PCSK5: variants seen among roughly 807,000 people sequenced by gnomAD.
PCSK5 encodes the protein proprotein convertase subtilisin/kexin type 5.
A neutral mutation model predicts 233.2 loss-of-function variants in PCSK5; 129 were observed. That is an observed-to-expected ratio of 0.55 (90% CI 0.48 to 0.64). PCSK5 has a LOEUF of 0.64. Among genes scored for constraint, PCSK5 ranks in the 30% least tolerant of loss-of-function variants. The pLI, the probability that PCSK5 is intolerant of heterozygous loss-of-function variation, is 0.00. For missense variants in PCSK5, 2,076 were observed against 2,430.1 expected (o/e 0.85, Z 3.06); for synonymous variants, 825 against 879.2 (o/e 0.94, Z 1.09).
At chr9:76,248,031 G>C (rs1027800203) in intron 24 of PCSK5, among the ~76,000 whole-genome samples, 1 of 152,126 alleles carries the variant, frequency 6.6e-6, no homozygotes, top group African/African-American at 2.4e-5. Context: ...TGGTCCGCCA[G>C]CCTCAGCCTC....
At chr9:76,301,349 C>T (rs1026923962) in intron 27 of PCSK5, among the ~76,000 whole-genome samples, 26 of 151,718 alleles carry the variant, frequency 1.7e-4, no homozygotes, top group African/African-American at 6.3e-4. Flanking sequence ...GGAAATGGCC[C>T]TGGAAAAAAA....
intron 13 of PCSK5, among the ~76,000 whole-genome samples, chr9:76,174,049 C>T (rs1823463511): frequency 6.6e-6 from 1 of 152,094 alleles, no homozygotes; most frequent in African/African-American, 2.4e-5. Flanking sequence ...AGTAGGATGG[C>T]CACTAGCCAC....
At chr9:76,096,601 C>CTT (rs756676487) in intron 8 of PCSK5, among the ~76,000 whole-genome samples, 1 of 141,046 alleles carries the variant, frequency 7.1e-6, no homozygotes, top group Non-Finnish European at 1.6e-5. Flanking sequence ...AGGTGCGTTT[C>CTT]TTTTTTTTTT....
At chr9:75,926,264 C>T (rs1263622392) in intron 1 of PCSK5, among the ~76,000 whole-genome samples, 1 of 152,006 alleles carries the variant, frequency 6.6e-6, no homozygotes, top group Middle Eastern at 3.2e-3. Flanking sequence ...TTTACATATC[C>T]CAAATGCAGC....
chr9:76,061,606 AAATT>A (rs1830030894), intron 5 of PCSK5, among the ~76,000 whole-genome samples: 1 of 152,202 alleles, frequency 6.6e-6, no homozygotes, highest in South Asian at 2.1e-4. Flanking sequence ...ATTTGGGGGA[AAATT>A]AATAGTTGAG....
Position 76,002,061 on chromosome 9 carries a change from A to C in PCSK5, c.411+15816A>C, listed in dbSNP as rs114534558. ...AGACATGTAATTCCCATAGAAGAAA[A>C]GTAAATTGGTAATGATTTTATTCAT... On this transcript the variant is annotated intron_variant, in intron 3 of 37. Transcript: ENST00000674117. Among the ~76,000 whole-genome samples the C allele has an allele frequency of 8.3e-3, 1,270 of 152,346 alleles. 18 individuals carry two copies. Among genetic ancestry groups the C allele is most frequent in the African/African-American group, 0.028 (1,171 of 41,582 alleles).
At chr9:76,056,056 A>C (rs2131567953) in intron 5 of PCSK5, among the ~76,000 whole-genome samples, 1 of 152,316 alleles carries the variant, frequency 6.6e-6, no homozygotes, top group South Asian at 2.1e-4. Context: ...CAAAATTTAA[A>C]ACCTGCAAGA....
At chr9:76,156,395 G>T (rs1822586673) in intron 10 of PCSK5, among the ~76,000 whole-genome samples, 1 of 152,072 alleles carries the variant, frequency 6.6e-6, no homozygotes, top group African/African-American at 2.4e-5. Flanking sequence ...AATATTTCCT[G>T]GATAAAGTTT....
chr9:76,223,463 T>C (rs536976601), intron 20 of PCSK5, among the ~76,000 whole-genome samples: 4 of 152,356 alleles, frequency 2.6e-5, no homozygotes, highest in African/African-American at 9.6e-5. Context: ...TACAGTGTTA[T>C]CAAGAGATGG....
In PCSK5 at chr9:75,982,303, A is replaced by G. The variant is rs112240798; in HGVS notation, c.298-3829A>G. Among the ~76,000 whole-genome samples, 1,075 of 152,312 alleles carry G rather than the reference A, an allele frequency of 7.1e-3. 17 individuals carry two copies. Among genetic ancestry groups the G allele is most frequent in the African/African-American group, 0.024 (977 of 41,574 alleles). On this transcript the variant is annotated intron_variant, in intron 2 of 37. Coordinates refer to ENST00000674117, the MANE Select transcript of PCSK5 (RefSeq NM_001372043.1). ...AGTGTTTTAGTAAATAACCTCGCAC[A>G]TTCACATGTGTACATAGGTAGGATA...
chr9:76,170,326 C>T lies in PCSK5; in HGVS notation c.1756+486C>T, dbSNP rs148838762. ...AAGAAAATGATGATGATATTCTTCC[C>T]TGCATGAGCCCAAGAGCCAAGGAAA... On this transcript the variant is annotated intron_variant, in intron 13 of 37. Coordinates refer to ENST00000674117, the MANE Select transcript of PCSK5 (RefSeq NM_001372043.1). Among the ~76,000 whole-genome samples, 56 of 152,342 alleles carry T rather than the reference C, an allele frequency of 3.7e-4. 1 individual carries two copies. Among genetic ancestry groups the T allele is most frequent in the African/African-American group, 1.3e-3 (55 of 41,588 alleles).
At chr9:76,291,303 A>G (rs902840670) in intron 24 of PCSK5, among the ~76,000 whole-genome samples, 5 of 152,248 alleles carry the variant, frequency 3.3e-5, no homozygotes, top group African/African-American at 9.6e-5. Context: ...ATTAGAAAGG[A>G]AAGCTATGCA....
intron 3 of PCSK5, among the ~76,000 whole-genome samples, chr9:76,015,215 A>G (rs1827898648): frequency 6.6e-6 from 1 of 152,194 alleles, no homozygotes. Flanking sequence ...CTACCAGAGA[A>G]AGCAAATTCA....
chr9:76,084,337 T>C (rs1236866661), intron 7 of PCSK5, among the ~76,000 whole-genome samples: 8 of 152,346 alleles, frequency 5.3e-5, no homozygotes, highest in African/African-American at 1.9e-4. Context: ...GGAACACAAA[T>C]CTATTCTAAC....
chr9:75,910,618 A>G (rs1041989181), intron 1 of PCSK5, among the ~76,000 whole-genome samples: 1 of 151,926 alleles, frequency 6.6e-6, no homozygotes, highest in Non-Finnish European at 1.5e-5. Context: ...CAGAAACTTA[A>G]TGTGTTGCAG....
At chr9:76,102,865 G>T (rs1831819733) in intron 8 of PCSK5, among the ~76,000 whole-genome samples, 1 of 152,174 alleles carries the variant, frequency 6.6e-6, no homozygotes, top group Admixed American at 6.5e-5. Flanking sequence ...TGATTTTAGG[G>T]ATTCAACTTA....
chr9:76,033,882 C>T (rs1828747693), intron 5 of PCSK5, among the ~76,000 whole-genome samples: 1 of 152,114 alleles, frequency 6.6e-6, no homozygotes, highest in African/African-American at 2.4e-5. Flanking sequence ...CCGCCCAAAG[C>T]CCCACCTCTT....
chr9:76,157,715 C>T (rs1474252430), intron 11 of PCSK5, among the ~76,000 whole-genome samples: 1 of 149,290 alleles, frequency 6.7e-6, no homozygotes, highest in African/African-American at 2.6e-5. Context: ...TATTTTTGAA[C>T]TTTGGTTGAT....
chr9:76,019,332 A>G lies in PCSK5; in HGVS notation c.412-4406A>G, dbSNP rs1828082684. Among the ~76,000 whole-genome samples the G allele has an allele frequency of 1.3e-5, 2 of 151,718 alleles. 1 individual carries two copies. Among genetic ancestry groups the G allele is most frequent in the South Asian group, 4.2e-4 (2 of 4,808 alleles). On this transcript the variant is annotated intron_variant, in intron 3 of 37. Transcript: ENST00000674117. Reference sequence around the variant, plus strand: ...AGAATTTTGAGTATATGTACCCTTTACCTAGTTGATTAGATGTATGTCTTC... The same window carrying G: ...AGAATTTTGAGTATATGTACCCTTTGCCTAGTTGATTAGATGTATGTCTTC...
Sources: allele counts gnomAD v4.1 joint callset (sites outside exome capture counted in the v4.1 genomes callset), GRCh38; gene constraint gnomAD v4.1.1; transcripts MANE v1.5; gene names NCBI Gene and HGNC (gene_info 2026-07-23, HGNC 2026-07-21).